TMEM272: variants seen among roughly 807,000 people sequenced by gnomAD.
The protein encoded by TMEM272 is long intergenic non-protein coding RNA 282.
TMEM272 carries 8 observed loss-of-function variants against 3.7 expected under a neutral mutation model. That is an observed-to-expected ratio of 2.17 (90% CI 1.27 to 3.91). The LOEUF (loss-of-function observed/expected upper bound fraction) is 3.91, where lower values mean the gene tolerates loss of function less well. Ranked by LOEUF, TMEM272 falls within the 30% of genes most tolerant of loss-of-function variation. The pLI, the probability that TMEM272 is intolerant of heterozygous loss-of-function variation, is 0.00. For missense variants in TMEM272, 166 were observed against 91.5 expected (o/e 1.81, Z -3.32); for synonymous variants, 63 against 39.8 (o/e 1.58, Z -2.20).
chr13:51,849,794 G>C (rs1956322824), upstream of TMEM272, among the ~76,000 whole-genome samples: 1 of 152,226 alleles, frequency 6.6e-6, no homozygotes, highest in Non-Finnish European at 1.5e-5. Context: ...CCAAGGCCGA[G>C]GGTCTAAGTT....
At chr13:51,925,824 C>T in the TMEM272 span, among the ~76,000 whole-genome samples, 4 of 151,990 alleles carry the variant, frequency 2.6e-5, no homozygotes, top group African/African-American at 4.9e-5. Context: ...AAAGCTGAGA[C>T]CGGACATGAT....
chr13:51,874,476 G>T, the TMEM272 span, among the ~76,000 whole-genome samples: 48,817 of 152,026 alleles, frequency 0.32, 8,037 homozygotes, highest in East Asian at 0.45. Context: ...ATGAATGAAG[G>T]AAAGAATATT....
chr13:51,884,942 G>A, the TMEM272 span, among the ~76,000 whole-genome samples: 2 of 152,154 alleles, frequency 1.3e-5, no homozygotes, highest in Non-Finnish European at 2.9e-5. Context: ...GGCTGGTGTA[G>A]GATTAAATGA....
At chr13:51,875,263 A>C in the TMEM272 span, among the ~76,000 whole-genome samples, 2 of 152,204 alleles carry the variant, frequency 1.3e-5, no homozygotes, top group African/African-American at 4.8e-5. Flanking sequence ...GCCCAAGGTC[A>C]CACAACCAGT....
chr13:51,910,831 T>C, the TMEM272 span, among the ~76,000 whole-genome samples: 1 of 152,206 alleles, frequency 6.6e-6, no homozygotes, highest in African/African-American at 2.4e-5. Context: ...GCCCCCTTGT[T>C]ACACTCTACA....
At chr13:51,877,182 C>T in the TMEM272 span, among the ~76,000 whole-genome samples, 3 of 152,196 alleles carry the variant, frequency 2.0e-5, no homozygotes, top group South Asian at 6.2e-4. Context: ...CTCTTCCCAT[C>T]CCAACTTATC....
chr13:51,867,156 C>T, the TMEM272 span, among the ~76,000 whole-genome samples: 1 of 152,168 alleles, frequency 6.6e-6, no homozygotes, highest in Admixed American at 6.5e-5. Flanking sequence ...CTTACCTCAC[C>T]GTAGTGGGTC....
intron 1 of TMEM272, among the ~76,000 whole-genome samples, chr13:51,844,706 C>A (rs1184718559): frequency 6.6e-6 from 1 of 152,196 alleles, no homozygotes; most frequent in Non-Finnish European, 1.5e-5. Flanking sequence ...GGAGGTGATG[C>A]CTGTGGTCCC....
intron 2 of TMEM272, among the ~76,000 whole-genome samples, chr13:51,828,054 C>T (rs1956142805): frequency 6.6e-6 from 1 of 152,234 alleles, no homozygotes; most frequent in South Asian, 2.1e-4. Context: ...ATGAGAACAA[C>T]GCCCTGAGAG....
At chr13:51,893,920 G>A in the TMEM272 span, among the ~76,000 whole-genome samples, 10 of 152,026 alleles carry the variant, frequency 6.6e-5, no homozygotes, top group African/African-American at 2.4e-4. Flanking sequence ...AAATAATAAC[G>A]AAGATCACAA....
At chr13:51,830,927 G>A (rs557211531) in intron 2 of TMEM272, among the ~76,000 whole-genome samples, 2 of 151,006 alleles carry the variant, frequency 1.3e-5, no homozygotes, top group Non-Finnish European at 2.9e-5. Context: ...CTTGCTCGAG[G>A]TCTAATGAGG....
At chr13:51,925,172 ACTG>A in the TMEM272 span, among the ~76,000 whole-genome samples, 1 of 152,162 alleles carries the variant, frequency 6.6e-6, no homozygotes, top group Non-Finnish European at 1.5e-5. Flanking sequence ...CCAAAACTCC[ACTG>A]CCTTCGTCTA....
the TMEM272 span, among the ~76,000 whole-genome samples, chr13:51,897,451 T>A: frequency 6.6e-5 from 9 of 137,194 alleles, no homozygotes; most frequent in East Asian, 1.9e-3. Context: ...TGGGCTCAAG[T>A]GACCTGCCTG....
At chr13:51,838,024 T>C (rs937796188) in intron 2 of TMEM272, among the ~76,000 whole-genome samples, 1 of 152,180 alleles carries the variant, frequency 6.6e-6, no homozygotes, top group Admixed American at 6.5e-5. Context: ...CTGGGTCTTC[T>C]GTAATATGGT....
intron 2 of TMEM272, among the ~76,000 whole-genome samples, chr13:51,835,287 C>T (rs1337336048): frequency 6.6e-6 from 1 of 150,680 alleles, no homozygotes; most frequent in Non-Finnish European, 1.5e-5. Flanking sequence ...TGCAGTGGTG[C>T]AATCTCGGCT....
chr13:51,826,805 A>G (rs538548888), intron 2 of TMEM272, among the ~76,000 whole-genome samples, 180 bp from the exon 3 acceptor site: 18 of 152,340 alleles, frequency 1.2e-4, no homozygotes, highest in Non-Finnish European at 2.5e-4. Context: ...GCAAGCCAAG[A>G]CTTGCACTTC....
intron 3 of TMEM272, among the ~76,000 whole-genome samples, chr13:51,825,229 T>C (rs1956113979): frequency 6.6e-6 from 1 of 152,234 alleles, no homozygotes; most frequent in Non-Finnish European, 1.5e-5. Context: ...CTGTTTCAGT[T>C]CTCTGCAAAC....
the TMEM272 span, among the ~76,000 whole-genome samples, chr13:51,916,915 C>T: frequency 1.3e-5 from 2 of 152,228 alleles, no homozygotes; most frequent in Non-Finnish European, 2.9e-5. Context: ...ACTGCATCCT[C>T]AGGCTCTGGG....
chr13:51,854,289 A>C, the TMEM272 span, among the ~76,000 whole-genome samples: 8 of 152,314 alleles, frequency 5.3e-5, no homozygotes, highest in East Asian at 5.8e-4. Flanking sequence ...ATCACTGAGG[A>C]TCCCAAAGTT....
Sources: gnomAD v4.1 joint callset for allele counts (sites outside exome capture counted in the v4.1 genomes callset) on GRCh38, gnomAD v4.1.1 for gene constraint, MANE v1.5 for transcripts, NCBI Gene and HGNC (gene_info 2026-07-23, HGNC 2026-07-21) for gene names.